COG7: variants seen among roughly 807,000 people sequenced by gnomAD.
COG7 encodes conserved oligomeric Golgi complex subunit 7.
COG7 carries 49 observed loss-of-function variants against 91.5 expected under a neutral mutation model. That is an observed-to-expected ratio of 0.54 (90% CI 0.43 to 0.68). COG7 has a LOEUF of 0.68. Ranked by LOEUF, COG7 falls within the 30% of genes least tolerant of loss-of-function variation. The pLI is 0.00. For missense variants in COG7, 895 were observed against 961.3 expected, an observed-to-expected ratio of 0.93 and a Z score of 0.91; for synonymous variants, 365 against 388.7, an observed-to-expected ratio of 0.94 and a Z score of 0.72.
intron 6 of COG7, among the ~76,000 whole-genome samples, chr16:23,429,223 C>G (rs955623030): frequency 6.6e-6 from 1 of 152,102 alleles, no homozygotes; most frequent in African/African-American, 2.4e-5. Flanking sequence ...CTTCTGGGCT[C>G]AAGCAATCCT....
At chr16:23,418,593 T>C (rs1963694903) in intron 8 of COG7, 107 bp downstream of exon 8, 1 of 957,548 alleles carries the variant, frequency 1.0e-6, no homozygotes, top group East Asian at 2.4e-5. Flanking sequence ...TGCTTAAAGG[T>C]CATATTTCAG....
At position 23,442,558 on chromosome 16, in the gene COG7, C is replaced by A. The variant is rs116645835; in HGVS notation, c.523G>T (p.Val175Leu). 9.0e-5 allele frequency: 145 copies of A among 1,614,098 alleles called. No homozygotes were observed. The African/African-American group carries it at 1.6e-3, about 18-fold the overall frequency. ...CTGTTCTTCAGTGCCTCCAAGTGCA[C>A]ACACTTTTCTGAGTAGTCTGGTGTA... ...VDTPDYSEKCVHLEALKNRLE... is the reference protein window; with the variant it reads ...VDTPDYSEKCLHLEALKNRLE... Residue 175 changes from valine to leucine, a missense_variant, in exon 4 of 17, where the codon GTG (valine) becomes TTG (leucine). Coordinates refer to ENST00000307149, the MANE Select transcript of COG7 (RefSeq NM_153603.4).
intron 4 of COG7, 88 bp downstream of exon 4, chr16:23,442,389 C>G: frequency 8.4e-7 from 1 of 1,194,640 alleles, no homozygotes; most frequent in Non-Finnish European, 1.2e-6. Flanking sequence ...AATTCAATCA[C>G]CATTAAGACA....
chr16:23,442,688 C>CAATTGAGGCAGTAGGGATCATT, intron 3 of COG7, 43 bp from the exon 4 acceptor site: 1 of 1,531,144 alleles, frequency 6.5e-7, no homozygotes, highest in Non-Finnish European at 9.0e-7. Context: ...TAAATGATCC[C>CAATTGAGGCAGTAGGGATCATT]TACTGCCTCA....
At position 23,406,266 on chromosome 16, in the gene COG7, T is replaced by C. The variant is rs986313143; in HGVS notation, c.1476-4A>G. On this transcript the variant is annotated splice_polypyrimidine_tract_variant and splice_region_variant and intron_variant, in intron 11 of 16. Coordinates refer to ENST00000307149, the MANE Select transcript of COG7 (RefSeq NM_153603.4). ...CTTCCCAGCTGTGGACAAAATCCTG[T>C]AATGAAAGGAATGACCATTATGCCC... The C allele has an allele frequency of 3.1e-6, 5 of 1,613,196 alleles. No homozygotes were observed. The highest frequency in any genetic ancestry group is 2.2e-5 in the East Asian group (1 of 44,882).
chr16:23,428,634 C>T (rs1963885843), intron 6 of COG7, among the ~76,000 whole-genome samples: 1 of 151,412 alleles, frequency 6.6e-6, no homozygotes, highest in South Asian at 2.1e-4. Context: ...AGAACTCTCA[C>T]ACACTATGTA....
intron 2 of COG7, 151 bp downstream of exon 2, chr16:23,445,662 A>G (rs1964169311): frequency 4.8e-6 from 4 of 825,710 alleles, no homozygotes; most frequent in Non-Finnish European, 8.2e-6. Flanking sequence ...CTGTCTCAAA[A>G]AAAAAAGAGC....
intron 6 of COG7, among the ~76,000 whole-genome samples, chr16:23,426,045 C>G (rs1963840835): frequency 6.6e-6 from 1 of 152,192 alleles, no homozygotes; most frequent in South Asian, 2.1e-4. Context: ...CAAACCCCGT[C>G]TCTGCTAAAA....
At chr16:23,393,619 A>G (rs1963236307) in intron 14 of COG7, 1 of 468,584 alleles carries the variant, frequency 2.1e-6, no homozygotes, top group South Asian at 2.4e-5. Context: ...TCTCCAATGA[A>G]GTAATGGATA....
chr16:23,420,118 T>C (rs1478351776), intron 7 of COG7, among the ~76,000 whole-genome samples: 1 of 151,712 alleles, frequency 6.6e-6, no homozygotes, highest in Non-Finnish European at 1.5e-5. Flanking sequence ...AGAGCGAGAG[T>C]CCGTCTCAAA....
At chr16:23,442,773 T>G (rs1964122354) in intron 3 of COG7, 128 bp from the exon 4 acceptor site, 1 of 840,242 alleles carries the variant, frequency 1.2e-6, no homozygotes, top group East Asian at 2.5e-5. Flanking sequence ...TGGTGGTTCA[T>G]GCCTGTAATC....
At chr16:23,394,301 C>T (rs1312174172) in intron 14 of COG7, among the ~76,000 whole-genome samples, 2 of 152,096 alleles carry the variant, frequency 1.3e-5, no homozygotes, top group Non-Finnish European at 2.9e-5. Context: ...TTAGGACATG[C>T]CCACAATTAG....
At chr16:23,452,618 A>C (rs1964282152) in intron 1 of COG7, 2 of 1,207,560 alleles carry the variant, frequency 1.7e-6, no homozygotes, top group Non-Finnish European at 2.2e-6. Context: ...AGGAAAAACA[A>C]CACCCAAAAT....
At chr16:23,452,378 G>A (rs1364468279) in intron 1 of COG7, among the ~76,000 whole-genome samples, 1 of 152,134 alleles carries the variant, frequency 6.6e-6, no homozygotes, top group African/African-American at 2.4e-5. Flanking sequence ...GACCAGCCTG[G>A]CAACACAGTG....
At chr16:23,403,228 G>A (rs770477735) in intron 13 of COG7, among the ~76,000 whole-genome samples, 1 of 152,140 alleles carries the variant, frequency 6.6e-6, no homozygotes, top group Admixed American at 6.5e-5. Flanking sequence ...AAGGTATCAA[G>A]GAAAGAAAGG....
At chr16:23,397,191 G>C (rs1001887106) in intron 14 of COG7, among the ~76,000 whole-genome samples, 2 of 152,154 alleles carry the variant, frequency 1.3e-5, no homozygotes, top group Non-Finnish European at 2.9e-5. Context: ...CTATAAGCAT[G>C]AGCCACCATG....
rs556258073 is a variant in COG7, at chr16:23,423,992, C to T, written c.1009+757G>A. ...CAGCTCCCCTGCCCTGGGACACTTGCTGTTGCTCCTTCAAAAAGCCCCTGT... is the reference window on the plus strand; with the variant it reads ...CAGCTCCCCTGCCCTGGGACACTTGTTGTTGCTCCTTCAAAAAGCCCCTGT... On this transcript the variant is annotated intron_variant, in intron 7 of 16. Transcript: ENST00000307149. 6.7e-4 allele frequency among the ~76,000 whole-genome samples: 102 copies of T among 152,314 alleles called. 1 individual carries two copies. In the South Asian group the frequency reaches 0.02, roughly 30 times the overall value.
chr16:23,452,004 A>C (rs1964273367), intron 1 of COG7, among the ~76,000 whole-genome samples: 1 of 152,206 alleles, frequency 6.6e-6, no homozygotes, highest in African/African-American at 2.4e-5. Flanking sequence ...GATTACAAAA[A>C]GTCAAAGCCA....
chr16:23,440,773 T>A (rs1433357657), intron 4 of COG7, among the ~76,000 whole-genome samples: 1 of 152,082 alleles, frequency 6.6e-6, no homozygotes, highest in African/African-American at 2.4e-5. Flanking sequence ...AGATACTTTA[T>A]TTTTTTAAAT....
Sources: gnomAD v4.1 joint callset for allele counts (sites outside exome capture counted in the v4.1 genomes callset) on GRCh38, gnomAD v4.1.1 for gene constraint, MANE v1.5 for transcripts, NCBI Gene and HGNC (gene_info 2026-07-23, HGNC 2026-07-21) for gene names.